NDRG4: variants seen among roughly 807,000 people sequenced by gnomAD.
NDRG4 encodes the protein protein NDRG4.
Under a neutral mutation model 55.8 loss-of-function variants are expected in NDRG4, and 38 were observed. The ratio of observed to expected loss-of-function variants is 0.68; its 90% CI spans 0.53 to 0.89. The LOEUF is 0.89. Ranked by LOEUF, NDRG4 falls within the 40% of genes least tolerant of loss-of-function variation. NDRG4 has a pLI of 0.00. For synonymous variants in NDRG4, 190 were observed against 182.7 expected (o/e 1.04, Z -0.32); for missense variants, 455 against 468.6 (o/e 0.97, Z 0.27).
At chr16:58,481,893 C>T (rs1266296894) in intron 1 of NDRG4, among the ~76,000 whole-genome samples, 1 of 152,174 alleles carries the variant, frequency 6.6e-6, no homozygotes, top group African/African-American at 2.4e-5. Flanking sequence ...TGGACAGTTC[C>T]AGACCCCCTA....
In NDRG4 at chr16:58,464,347, G is replaced by A; in HGVS notation, c.-24+550G>A. The A allele has an allele frequency of 8.1e-7, 1 of 1,230,918 alleles. No homozygotes were observed. The highest frequency in any genetic ancestry group is 1.1e-6 in the Non-Finnish European group (1 of 951,938). 76.2% of individuals were successfully genotyped at this position (1,230,918 alleles called of 1,614,324 possible). On this transcript the variant is annotated intron_variant, in intron 1 of 15. Coordinates refer to the NDRG4 transcript ENST00000258187. The surrounding 1 kb of genome is among the most constrained non-coding windows in gnomAD (Gnocchi z 4.8). ...CGCGCTCTCCTGCCGCTCCGCTCCG[G>A]GTCTCCCGCGCTCCTCTCCCCGGCT...
intron 2 of NDRG4, among the ~76,000 whole-genome samples, chr16:58,488,308 CG>C (rs34856276): frequency 3.9e-5 from 6 of 152,210 alleles, no homozygotes; most frequent in African/African-American, 1.4e-4. Context: ...CAGTGCCACC[CG>C]GGGCAGTGGG....
At chr16:58,494,055 G>C (rs1297143455) in intron 2 of NDRG4, among the ~76,000 whole-genome samples, 2 of 152,182 alleles carry the variant, frequency 1.3e-5, no homozygotes, top group African/African-American at 4.8e-5. Context: ...TGCATTTTGA[G>C]CCTCTCTCCC....
chr16:58,507,724 C>A, intron 8 of NDRG4, 84 bp from the exon 9 acceptor site: 1 of 1,345,266 alleles, frequency 7.4e-7, no homozygotes, highest in Non-Finnish European at 1.1e-6. Flanking sequence ...CCTGCTTTAC[C>A]AATTGGCAGT....
intron 1 of NDRG4, among the ~76,000 whole-genome samples, chr16:58,477,370 A>C (rs560485333): frequency 6.6e-6 from 1 of 152,174 alleles, no homozygotes; most frequent in Non-Finnish European, 1.5e-5. Flanking sequence ...GAGAAAGTAC[A>C]AGATGAGTTT....
chr16:58,494,897 A>T (rs1186418501), intron 2 of NDRG4: 5 of 1,402,358 alleles, frequency 3.6e-6, no homozygotes, highest in African/African-American at 1.4e-5. Flanking sequence ...GAGTCTGCTA[A>T]GGCCCCACGG....
chr16:58,491,052 G>A (rs569306091), intron 2 of NDRG4, among the ~76,000 whole-genome samples: 3 of 152,004 alleles, frequency 2.0e-5, no homozygotes, highest in African/African-American at 2.4e-5. Flanking sequence ...CGAGGCGAGC[G>A]GATCACTTGA....
At chr16:58,497,642 T>C (rs909338883), upstream of NDRG4, among the ~76,000 whole-genome samples, 3 of 152,202 alleles carry the variant, frequency 2.0e-5, no homozygotes, top group East Asian at 3.9e-4. Flanking sequence ...GAGAGGTTGA[T>C]TGACTTCCCC....
At chr16:58,511,301 A>AG (rs1297163239) in intron 14 of NDRG4, 121 bp from the exon 15 acceptor site, 1 of 1,152,802 alleles carries the variant, frequency 8.7e-7, no homozygotes, top group Admixed American at 2.3e-5. Flanking sequence ...CTGACTCAGG[A>AG]GGAGCCCTTT....
intron 2 of NDRG4, among the ~76,000 whole-genome samples, chr16:58,493,680 T>G (rs72790246): frequency 2.0e-5 from 3 of 152,098 alleles, no homozygotes; most frequent in Non-Finnish European, 2.9e-5. Flanking sequence ...CTCACAACAC[T>G]GAGGCTCGGA....
At position 58,464,562 on chromosome 16, in the gene NDRG4, C is replaced by A; in HGVS notation, c.-24+765C>A. The A allele has an allele frequency of 8.6e-7, 1 of 1,159,206 alleles. No individual in the cohort carries two copies. Among genetic ancestry groups the A allele is most frequent in the South Asian group, 2.8e-5 (1 of 36,002 alleles). The allele number at this position is 1,159,206 out of a possible 1,614,324, so 71.8% of individuals were successfully genotyped here. A position where few individuals can be genotyped will look rare whatever the true frequency, so the allele number is the denominator to read the frequency against. On this transcript the variant is annotated intron_variant, in intron 1 of 15. Transcript: ENST00000258187. The surrounding 1 kb of genome is among the most constrained non-coding windows in gnomAD (Gnocchi z 4.8). ...GGGACTGGGGCGGCTCGGGTCTGAG[C>A]AGGAAGGGGTGCGGACCCCAACTAA...
chr16:58,473,768 C>T (rs1307672867), intron 1 of NDRG4, among the ~76,000 whole-genome samples: 2 of 152,156 alleles, frequency 1.3e-5, no homozygotes, highest in Non-Finnish European at 2.9e-5. Flanking sequence ...ACTGGTCTCC[C>T]CATTTCCACC....
Position 58,501,798 on chromosome 16 carries a change from G to A in NDRG4, c.21+1529G>A, listed in dbSNP as rs372845715. On this transcript the variant is annotated intron_variant, in intron 1 of 14. Transcript: ENST00000570248. ...ACAGGGGCGGCCACACCAGGGCTGGGAGAAGACAGTGGGGCCTCCTCAGCA... is the reference window on the plus strand; with the variant it reads ...ACAGGGGCGGCCACACCAGGGCTGGAAGAAGACAGTGGGGCCTCCTCAGCA... The A allele has an allele frequency of 1.7e-3, 601 of 353,264 alleles. 4 individuals are homozygous for A. Among genetic ancestry groups the A allele is most frequent in the African/African-American group, 0.011 (530 of 47,026 alleles). 21.9% of individuals were successfully genotyped at this position (353,264 alleles called of 1,614,324 possible). A position where few individuals can be genotyped will look rare whatever the true frequency, so the allele number is the denominator to read the frequency against.
At chr16:58,488,675 G>T (rs1379518618) in intron 2 of NDRG4, among the ~76,000 whole-genome samples, 1 of 151,982 alleles carries the variant, frequency 6.6e-6, no homozygotes, top group Non-Finnish European at 1.5e-5. Context: ...ACCAGGAGGG[G>T]AGCCCAGGAG....
intron 2 of NDRG4, among the ~76,000 whole-genome samples, chr16:58,493,599 G>A (rs2036039495): frequency 6.6e-6 from 1 of 152,228 alleles, no homozygotes; most frequent in African/African-American, 2.4e-5. Context: ...AGGAGGATCT[G>A]TAGCAGGCAC....
intron 1 of NDRG4, chr16:58,463,802 G>C (rs1049209053): frequency 6.6e-6 from 1 of 151,600 alleles, no homozygotes; most frequent in African/African-American, 2.4e-5. Context: ...TCCGCGGTGA[G>C]TCGGCGGCGC....
chr16:58,472,465 GC>G (rs1567566402), intron 1 of NDRG4, among the ~76,000 whole-genome samples: 1 of 152,198 alleles, frequency 6.6e-6, no homozygotes, highest in Non-Finnish European at 1.5e-5. Context: ...AGCACGTAGG[GC>G]CCTCTGACCC....
intron 1 of NDRG4, chr16:58,487,669 G>A (rs910166839): frequency 1.9e-5 from 21 of 1,097,102 alleles, no homozygotes; most frequent in South Asian, 3.3e-5. Flanking sequence ...TGGTTTCCGC[G>A]CTCCCGCCCC....
intron 1 of NDRG4, chr16:58,501,302 G>A (rs1048644130): frequency 5.2e-5 from 20 of 383,800 alleles, no homozygotes; most frequent in African/African-American, 6.5e-5. Context: ...TCCCACACCG[G>A]CGCAAAGCCC....
Sources: allele counts gnomAD v4.1 joint callset (sites outside exome capture counted in the v4.1 genomes callset), GRCh38; gene constraint gnomAD v4.1.1; non-coding constraint Gnocchi (gnomAD v3.1); transcripts MANE v1.5; gene names NCBI Gene and HGNC (gene_info 2026-07-23, HGNC 2026-07-21).